The following MED13L variants were observed in gnomAD, a reference collection of about 807,000 sequenced individuals.
MED13L encodes the protein mediator complex subunit 13L, also known as mediator of RNA polymerase II transcription subunit 13-like.
A neutral mutation model predicts 220.9 loss-of-function variants in MED13L; 7 were observed. The ratio of observed to expected loss-of-function variants is 0.03; its 90% confidence interval spans 0.02 to 0.06. MED13L has a LOEUF of 0.06. MED13L is among the 10% of genes least tolerant of loss of function. The pLI is 1.00. For missense variants in MED13L, 1,965 were observed against 2,760.5 expected (o/e 0.71, Z 6.46); for synonymous variants, 1,011 against 1,015.2 (o/e 1.00, Z 0.08).
chr12:116,071,952 C>T (rs570773807), intron 4 of MED13L, among the ~76,000 whole-genome samples: 1 of 152,306 alleles, frequency 6.6e-6, no homozygotes. Context: ...AATTAGCTCA[C>T]TGAAGGATAC....
At chr12:115,978,072 G>A (rs1352643693) in intron 23 of MED13L, among the ~76,000 whole-genome samples, 1 of 151,894 alleles carries the variant, frequency 6.6e-6, no homozygotes, top group African/African-American at 2.4e-5. Context: ...AATATAATTA[G>A]ACCCTGTCTA....
chr12:116,185,622 T>C (rs1880830587), intron 2 of MED13L, among the ~76,000 whole-genome samples: 1 of 150,468 alleles, frequency 6.6e-6, no homozygotes, highest in African/African-American at 2.4e-5. Flanking sequence ...ATTTAATTTC[T>C]TAGAAAAATA....
chr12:116,162,181 T>TC (rs1385298989), intron 2 of MED13L, among the ~76,000 whole-genome samples: 1 of 150,786 alleles, frequency 6.6e-6, no homozygotes, highest in Non-Finnish European at 1.5e-5. Flanking sequence ...AACAAGAAAG[T>TC]CCCCTCTGCT....
intron 4 of MED13L, among the ~76,000 whole-genome samples, chr12:116,044,694 C>T (rs1881728681): frequency 6.6e-6 from 1 of 152,166 alleles, no homozygotes; most frequent in African/African-American, 2.4e-5. Flanking sequence ...TATTGTCATC[C>T]TCACTAATCC....
chr12:116,249,453 A>G (rs1871330877), intron 1 of MED13L, among the ~76,000 whole-genome samples: 1 of 152,190 alleles, frequency 6.6e-6, no homozygotes. Context: ...TCCAGCAACC[A>G]ATAAAAAATA....
At chr12:116,016,677 A>G (rs180772597) in intron 7 of MED13L, among the ~76,000 whole-genome samples, 2 of 152,334 alleles carry the variant, frequency 1.3e-5, no homozygotes, top group Admixed American at 1.3e-4. Context: ...AGCTAGGTTG[A>G]AGCTTTTCAG....
At chr12:116,132,276 T>A (rs1372955470) in intron 2 of MED13L, among the ~76,000 whole-genome samples, 1 of 120,778 alleles carries the variant, frequency 8.3e-6, no homozygotes, top group South Asian at 2.7e-4. Context: ...CAATACTTCG[T>A]CTCAAAAAAA....
chr12:116,007,221 A>T (rs1879103131), intron 11 of MED13L, 190 bp downstream of exon 11: 7 of 641,740 alleles, frequency 1.1e-5, no homozygotes, highest in Non-Finnish European at 1.7e-5. Flanking sequence ...ACTTTTAAAC[A>T]AAGGTGAGCC....
chr12:115,970,149 C>G (rs1876482635), intron 27 of MED13L, among the ~76,000 whole-genome samples: 1 of 151,992 alleles, frequency 6.6e-6, no homozygotes, highest in African/African-American at 2.4e-5. Context: ...AAACAAATAC[C>G]TTAACAGCTA....
chr12:116,182,840 T>C (rs950715278), intron 2 of MED13L, among the ~76,000 whole-genome samples: 2 of 152,194 alleles, frequency 1.3e-5, no homozygotes, highest in East Asian at 3.8e-4. Context: ...CTGAAGTTCC[T>C]GCAGGACACT....
At chr12:116,208,706 C>A (rs999220722) in intron 2 of MED13L, among the ~76,000 whole-genome samples, 2 of 152,208 alleles carry the variant, frequency 1.3e-5, no homozygotes, top group African/African-American at 4.8e-5. Context: ...TGGTTCATGT[C>A]TATAATCCCA....
chr12:116,235,381 T>C (rs1593193989), intron 2 of MED13L, among the ~76,000 whole-genome samples: 1 of 152,246 alleles, frequency 6.6e-6, no homozygotes, highest in African/African-American at 2.4e-5. Context: ...AGAAAAGTAA[T>C]CATTCCCAAG....
intron 22 of MED13L, 122 bp from the exon 23 acceptor site, chr12:115,981,060 A>C: frequency 1.3e-6 from 1 of 750,752 alleles, no homozygotes. Flanking sequence ...GGGAGAGGTA[A>C]CCTCAGCCTT....
intron 2 of MED13L, among the ~76,000 whole-genome samples, chr12:116,140,274 G>A (rs774744824): frequency 6.6e-6 from 1 of 152,088 alleles, no homozygotes; most frequent in Non-Finnish European, 1.5e-5. Context: ...TTCCCAATTA[G>A]AGTGTAAGTT....
intron 3 of MED13L, among the ~76,000 whole-genome samples, 197 bp downstream of exon 3, chr12:116,111,231 G>A (rs1046836822): frequency 1.1e-4 from 16 of 152,082 alleles, no homozygotes; most frequent in African/African-American, 3.6e-4. Context: ...GGGAATATGG[G>A]AGTTCTTTGT....
At position 116,135,209 on chromosome 12, in the gene MED13L, T is replaced by G. The variant is rs919582453; in HGVS notation, c.311-23697A>C. Among the ~76,000 whole-genome samples, 4 of 152,036 alleles carry G rather than the reference T, an allele frequency of 2.6e-5. No individual in the cohort carries two copies. In the East Asian group the frequency reaches 7.7e-4, roughly 29 times the overall value. On this transcript the variant is annotated intron_variant, in intron 2 of 30. Transcript: ENST00000281928. ...CAAAAAAGCAAGTGACAACACATAA[T>G]CTCTATGGGTAGGTTAGAAAAGCCA...
intron 2 of MED13L, among the ~76,000 whole-genome samples, chr12:116,150,069 G>A (rs1266210566): frequency 6.6e-6 from 1 of 152,132 alleles, no homozygotes; most frequent in Non-Finnish European, 1.5e-5. Context: ...TTTAATAAAT[G>A]CACACATGGA....
At chr12:116,003,184 T>C in intron 13 of MED13L, 82 bp from the exon 14 acceptor site, 4 of 1,193,900 alleles carry the variant, frequency 3.4e-6, no homozygotes, top group South Asian at 1.2e-5. Context: ...TGTATGCCTA[T>C]TGGTAGATGC....
chr12:116,276,748 A>ATCCTCT, intron 1 of MED13L: 1 of 1,284,610 alleles, frequency 7.8e-7, no homozygotes, highest in Non-Finnish European at 1.0e-6. Flanking sequence ...GGAGAAGGGG[A>ATCCTCT]GTGCGATTGC....
Sources: gnomAD v4.1 joint callset for allele counts (sites outside exome capture counted in the v4.1 genomes callset) on GRCh38, gnomAD v4.1.1 for gene constraint, MANE v1.5 for transcripts, NCBI Gene and HGNC (gene_info 2026-07-23, HGNC 2026-07-21) for gene names.